Variants in SLC6A2 observed in about 807,000 individuals in gnomAD.
The protein encoded by SLC6A2 is sodium-dependent noradrenaline transporter.
Under a neutral mutation model 71.7 loss-of-function variants are expected in SLC6A2, and 26 were observed. The ratio of observed to expected loss-of-function variants is 0.36; its 90% CI spans 0.27 to 0.50. The LOEUF (loss-of-function observed/expected upper bound fraction) is 0.50, where lower values mean the gene tolerates loss of function less well. SLC6A2 is among the 20% of genes least tolerant of loss of function. The probability of loss-of-function intolerance (pLI) is 0.96; values close to 1 mark genes in which losing one functional copy is unlikely to be tolerated. For synonymous variants in SLC6A2, 363 were observed against 337.9 expected, an observed-to-expected ratio of 1.07 and a Z score of -0.82; for missense variants, 581 against 803.9, an observed-to-expected ratio of 0.72 and a Z score of 3.35.
In SLC6A2 at chr16:55,685,336, T is replaced by C; in HGVS notation, c.783+55T>C. 2.6e-6 allele frequency: 4 copies of C among 1,563,860 alleles called. No individual in the cohort carries two copies. In the East Asian group the frequency reaches 9.0e-5, roughly 35 times the overall value. On this transcript the variant is annotated intron_variant, in intron 5 of 14. Coordinates refer to ENST00000568943, the MANE Select transcript of SLC6A2 (RefSeq NM_001172501.3). ...CTTGGGTGATCAACCTTGGGGGGTG[T>C]GATTATTTCTAGCAATAATTATGTA...
At position 55,695,278 on chromosome 16, in the gene SLC6A2, G is replaced by A. The variant is rs7197234; in HGVS notation, c.1023G>A (p.Arg341=). ...GACCTCACTGTGCTTCTTCCCCCAGGGATGCCCTGCTGACCAGCAGCATCA... is the reference window on the plus strand; with the variant it reads ...GACCTCACTGTGCTTCTTCCCCCAGAGATGCCCTGCTGACCAGCAGCATCA... ...SYNKFDNNCY[R]DALLTSSINC... Residue 341 remains arginine, a splice_region_variant and synonymous_variant, in exon 8 of 15, where the codon AGG becomes AGA. Coordinates refer to ENST00000568943, the MANE Select transcript of SLC6A2 (RefSeq NM_001172501.3). The A allele has an allele frequency of 6.8e-4, 1,102 of 1,614,144 alleles. 5 individuals carry two copies. The African/African-American group carries it at 0.013, about 20-fold the overall frequency.
intron 6 of SLC6A2, among the ~76,000 whole-genome samples, chr16:55,693,547 C>T (rs1477390293): frequency 3.3e-5 from 5 of 152,206 alleles, no homozygotes; most frequent in Admixed American, 6.5e-5. Context: ...TATCACCCAA[C>T]GGATTAAATA....
At chr16:55,695,142 G>A (rs1965755160) in intron 7 of SLC6A2, 136 bp from the exon 8 acceptor site, 4 of 948,578 alleles carry the variant, frequency 4.2e-6, no homozygotes, top group Non-Finnish European at 6.8e-6. Context: ...CTGTATCCAT[G>A]TGGCAGCAGG....
intron 3 of SLC6A2, chr16:55,671,570 C>T (rs536536607): frequency 2.1e-6 from 1 of 480,786 alleles, no homozygotes; most frequent in Admixed American, 3.5e-5. Flanking sequence ...CTCCCCATCG[C>T]TCGCATGACC....
intron 4 of SLC6A2, among the ~76,000 whole-genome samples, chr16:55,673,694 C>A (rs112989094): frequency 6.6e-6 from 1 of 151,914 alleles, no homozygotes; most frequent in African/African-American, 2.4e-5. Flanking sequence ...CCTGAGTAGC[C>A]GGGATTACAA....
intron 11 of SLC6A2, among the ~76,000 whole-genome samples, chr16:55,698,870 T>G (rs1263074153): frequency 6.6e-6 from 1 of 152,230 alleles, no homozygotes; most frequent in African/African-American, 2.4e-5. Flanking sequence ...CAACACGGGT[T>G]GCCTAGTTAA....
chr16:55,702,011 G>C (rs1365161205), intron 14 of SLC6A2, 77 bp downstream of exon 14: 1 of 1,124,866 alleles, frequency 8.9e-7, no homozygotes, highest in Non-Finnish European at 1.4e-6. Context: ...ACTGCCCAAG[G>C]CTAGACATCA....
rs781596053 is a variant in SLC6A2, at chr16:55,685,260, A to G, written c.762A>G (p.Lys254=). 1.2e-6 allele frequency: 2 copies of G among 1,614,150 alleles called. No homozygotes were observed. Among genetic ancestry groups the G allele is most frequent in the East Asian group, 2.2e-5 (1 of 44,878 alleles). The change falls in exon 5 of 15, where the codon AAA becomes AAG. Residue 254 remains lysine (K), a synonymous_variant. Transcript: ENST00000568943. The part of the protein sequence containing the change: ...VVIVLYFSLW[K]GVKTSGKVVW... ...TCGTCTTGTATTTTAGCCTCTGGAA[A>G]GGGGTGAAGACATCAGGAAAGGTAA...
intron 13 of SLC6A2, among the ~76,000 whole-genome samples, chr16:55,701,427 AC>A (rs1374862661): frequency 6.6e-6 from 1 of 152,020 alleles, no homozygotes; most frequent in Non-Finnish European, 1.5e-5. Context: ...ATGGCTTGAG[AC>A]CCCACAAGTG....
In SLC6A2 at chr16:55,698,040, G is replaced by A. The variant is rs1363510512; in HGVS notation, c.1389+15G>A. On this transcript the variant is annotated intron_variant, in intron 10 of 14. Coordinates refer to ENST00000568943, the MANE Select transcript of SLC6A2 (RefSeq NM_001172501.3). ...GCATAACCAAGGTGAGTAGGGGCTG[G>A]GCTCTGGGTCACCTGGGGGCCTCTG... 6 of 1,613,976 alleles carry A rather than the reference G, an allele frequency of 3.7e-6. No individual in the cohort carries two copies. The highest frequency in any genetic ancestry group is 5.1e-6 in the Non-Finnish European group (6 of 1,179,878).
intron 11 of SLC6A2, among the ~76,000 whole-genome samples, chr16:55,698,856 AAC>A (rs1254541589): frequency 6.6e-6 from 1 of 152,210 alleles, no homozygotes; most frequent in Non-Finnish European, 1.5e-5. Flanking sequence ...AGATTTAGCA[AAC>A]ACAACACGGG....
At chr16:55,702,266 C>T in intron 14 of SLC6A2, 57 bp from the exon 15 acceptor site, 1 of 1,562,538 alleles carries the variant, frequency 6.4e-7, no homozygotes, top group African/African-American at 1.4e-5. Flanking sequence ...CGCCAGCTGG[C>T]CCTTGCTCCT....
rs777533115 is a variant in SLC6A2 at position 55,705,209 on chromosome 16, A to C, written c.*2863A>C. On this transcript the variant is annotated 3_prime_UTR_variant, in exon 15 of 15. Transcript: ENST00000568943. ...ATTTAGCACCCACCTTTTAGCTTTC[A>C]TTCTAGATGAAAACGAGACAAGGGA... 3.9e-6 allele frequency: 6 copies of C among 1,534,898 alleles called. No individual in the cohort carries two copies. Among genetic ancestry groups the C allele is most frequent in the Non-Finnish European group, 5.2e-6 (6 of 1,145,506 alleles).
intron 4 of SLC6A2, among the ~76,000 whole-genome samples, chr16:55,676,433 A>G (rs1375010948): frequency 6.6e-6 from 1 of 152,222 alleles, no homozygotes; most frequent in Non-Finnish European, 1.5e-5. Context: ...GAGACAATAC[A>G]GTCCACAACC....
At chr16:55,692,234 C>A (rs1287670174) in intron 6 of SLC6A2, among the ~76,000 whole-genome samples, 182 bp downstream of exon 6, 1 of 152,200 alleles carries the variant, frequency 6.6e-6, no homozygotes, top group Non-Finnish European at 1.5e-5. Context: ...ACCTGACAGT[C>A]TCCATAAGCC....
rs1965851663 is a variant in SLC6A2 at position 55,697,993 on chromosome 16, A to G, written c.1357A>G (p.Thr453Ala). 6.2e-7 allele frequency: 1 copy of G among 1,614,104 alleles called. No individual in the cohort carries two copies. The highest frequency in any genetic ancestry group is 8.5e-7 in the Non-Finnish European group (1 of 1,180,020). The change falls in exon 10 of 15, where the codon ACT (threonine) becomes GCT (alanine). Residue 453 changes from threonine (T) to alanine (A), a missense_variant. Coordinates refer to ENST00000568943, the MANE Select transcript of SLC6A2 (RefSeq NM_001172501.3). ...CTTCACATTTGGCGTCACCTTCAGC[A>G]CTTTCCTTCTCGCCCTGTTCTGCAT... is the stretch of plus-strand genomic sequence containing the variant. ...KLFTFGVTFSTFLLALFCITK... is the reference protein window; with the variant it reads ...KLFTFGVTFSAFLLALFCITK...
intron 6 of SLC6A2, among the ~76,000 whole-genome samples, chr16:55,692,566 G>A (rs1965669365): frequency 6.6e-6 from 1 of 152,186 alleles, no homozygotes; most frequent in African/African-American, 2.4e-5. Context: ...TGGTGAAAGT[G>A]GGTGAATTTG....
chr16:55,665,542 G>A (rs1182500036), intron 2 of SLC6A2, among the ~76,000 whole-genome samples: 1 of 152,066 alleles, frequency 6.6e-6, no homozygotes, highest in African/African-American at 2.4e-5. Context: ...TTCACAGTTC[G>A]AGGAATCCTG....
At chr16:55,691,370 G>A (rs1965623915) in intron 5 of SLC6A2, among the ~76,000 whole-genome samples, 3 of 152,066 alleles carry the variant, frequency 2.0e-5, no homozygotes, top group Admixed American at 6.5e-5. Context: ...GATGGGGAAA[G>A]GGGAGAGCAC....
Sources: gnomAD v4.1 joint callset for allele counts (sites outside exome capture counted in the v4.1 genomes callset) on GRCh38, gnomAD v4.1.1 for gene constraint, MANE v1.5 for transcripts, NCBI Gene and HGNC (gene_info 2026-07-23, HGNC 2026-07-21) for gene names.